Variants in VAT1L observed in about 807,000 individuals in gnomAD.
VAT1L encodes the protein vesicle amine transport 1 like.
VAT1L carries 34 observed loss-of-function variants against 44.1 expected under a neutral mutation model. That is an observed-to-expected ratio of 0.77 (90% CI 0.59 to 1.03). VAT1L has a LOEUF of 1.03. Among genes scored for constraint, VAT1L ranks in the 50% least tolerant of loss-of-function variants. The pLI, the probability that VAT1L is intolerant of heterozygous loss-of-function variation, is 0.00. For missense variants in VAT1L, 615 were observed against 538.8 expected, an observed-to-expected ratio of 1.14 and a Z score of -1.40; for synonymous variants, 253 against 202.2, an observed-to-expected ratio of 1.25 and a Z score of -2.13.
chr16:77,865,414 A>C (rs544133358), intron 4 of VAT1L, among the ~76,000 whole-genome samples: 20 of 152,312 alleles, frequency 1.3e-4, no homozygotes, highest in Middle Eastern at 3.4e-3. Context: ...ATTGCTTAAT[A>C]CATCTGTGCT....
At chr16:77,932,102 ATTTTT>A (rs33928206) in intron 7 of VAT1L, among the ~76,000 whole-genome samples, 3 of 126,608 alleles carry the variant, frequency 2.4e-5, no homozygotes, top group African/African-American at 5.9e-5. Flanking sequence ...AAATACAGTA[ATTTTT>A]TTTTTTTTTT....
At chr16:77,933,848 A>C (rs1397410164) in intron 7 of VAT1L, among the ~76,000 whole-genome samples, 1 of 152,234 alleles carries the variant, frequency 6.6e-6, no homozygotes, top group Non-Finnish European at 1.5e-5. Flanking sequence ...GATGGCACAT[A>C]GCCTAGGTCA....
In VAT1L at chr16:77,788,742, A is replaced by T; in HGVS notation, c.60A>T (p.Ala20=). The T allele has an allele frequency of 6.4e-7, 1 of 1,560,944 alleles. No individual in the cohort carries two copies. Among genetic ancestry groups the T allele is most frequent in the Non-Finnish European group, 8.7e-7 (1 of 1,152,098 alleles). ...EETEQMIEKE[A]GKEPAEGGGG... ...CGGAGCAAATGATCGAGAAGGAGGC[A>T]GGCAAGGAGCCGGCGGAGGGCGGCG... is the stretch of plus-strand genomic sequence containing the variant. The change falls in exon 1 of 9, where the codon GCA becomes GCT. Residue 20 remains alanine, a synonymous_variant. Transcript: ENST00000302536.
intron 7 of VAT1L, among the ~76,000 whole-genome samples, chr16:77,931,096 C>A (rs1461691194): frequency 1.3e-5 from 2 of 152,110 alleles, no homozygotes; most frequent in Admixed American, 6.5e-5. Context: ...CAATTAACAC[C>A]CAGGTTATTC....
intron 3 of VAT1L, among the ~76,000 whole-genome samples, chr16:77,826,022 CA>C (rs1222011295): frequency 7.5e-5 from 4 of 53,594 alleles, no homozygotes; most frequent in Non-Finnish European, 1.0e-4. Flanking sequence ...GACTCCATCT[CA>C]AAAAAAAAAG....
chr16:77,856,250 A>G (rs1231907200), intron 3 of VAT1L, among the ~76,000 whole-genome samples: 1 of 152,180 alleles, frequency 6.6e-6, no homozygotes, highest in Admixed American at 6.5e-5. Flanking sequence ...TCTGGAATAC[A>G]GTGAGAAACA....
intron 7 of VAT1L, among the ~76,000 whole-genome samples, chr16:77,893,374 T>C (rs1376667129): frequency 4.6e-5 from 7 of 152,138 alleles, no homozygotes. Context: ...ACCAAGGGTC[T>C]TTTAAGCTGG....
At chr16:77,932,298 G>C (rs937868047) in intron 7 of VAT1L, among the ~76,000 whole-genome samples, 1 of 151,736 alleles carries the variant, frequency 6.6e-6, no homozygotes. Flanking sequence ...GTAGAGACGG[G>C]GTTTCACCGT....
chr16:77,798,977 C>G (rs748018865), intron 1 of VAT1L, among the ~76,000 whole-genome samples: 28 of 152,054 alleles, frequency 1.8e-4, no homozygotes, highest in Non-Finnish European at 4.0e-4. Flanking sequence ...CATCTTTCAT[C>G]CTCTCTCCTC....
At chr16:77,944,948 C>T (rs1317768391) in intron 7 of VAT1L, among the ~76,000 whole-genome samples, 3 of 152,170 alleles carry the variant, frequency 2.0e-5, no homozygotes, top group African/African-American at 4.8e-5. Flanking sequence ...AAACACTCTT[C>T]CAAGCTGTCT....
chr16:77,805,288 C>T (rs981690145), intron 1 of VAT1L, among the ~76,000 whole-genome samples: 3 of 152,152 alleles, frequency 2.0e-5, no homozygotes, highest in African/African-American at 7.2e-5. Flanking sequence ...TTCCCACAGT[C>T]TTGAGATAAC....
In VAT1L at chr16:77,977,849, G is replaced by GT; in HGVS notation, c.*160dup. ...AGCTAAAAAGCTGTTGATCACTGTT[G>GT]TTTTTTGAAGTGCCAATCCCATGCC... On this transcript the variant is annotated 3_prime_UTR_variant, in exon 9 of 9. Transcript: ENST00000302536. 1 of 695,726 alleles carries GT rather than the reference G, an allele frequency of 1.4e-6. No individual in the cohort carries two copies. The highest frequency in any genetic ancestry group is 2.5e-6 in the Non-Finnish European group (1 of 404,780). The allele number at this position is 695,726 out of a possible 1,614,324, so 43.1% of individuals were successfully genotyped here.
chr16:77,944,701 T>C (rs1444881181), intron 7 of VAT1L, among the ~76,000 whole-genome samples: 1 of 152,240 alleles, frequency 6.6e-6, no homozygotes, highest in Non-Finnish European at 1.5e-5. Context: ...CTTGCTATTA[T>C]ACTGCCTACA....
At chr16:77,885,902 A>G (rs1273867792) in intron 7 of VAT1L, among the ~76,000 whole-genome samples, 5 of 152,174 alleles carry the variant, frequency 3.3e-5, no homozygotes, top group African/African-American at 4.8e-5. Flanking sequence ...TCCTAGATCA[A>G]TGGAGCAGGA....
At chr16:77,975,362 A>C (rs1420949607) in intron 8 of VAT1L, among the ~76,000 whole-genome samples, 1 of 151,724 alleles carries the variant, frequency 6.6e-6, no homozygotes, top group Non-Finnish European at 1.5e-5. Context: ...GGTGCTCACC[A>C]CACCACACCT....
rs536862521 is a variant in VAT1L, at chr16:77,830,209, A to G, written c.579+4748A>G. ...TGTACTCCTAATGTAATCTAATAGC[A>G]TCAAAGTAGCAAAATTTGAAGCTCT... On this transcript the variant is annotated intron_variant, in intron 3 of 8. Coordinates refer to ENST00000302536, the MANE Select transcript of VAT1L (RefSeq NM_020927.3). Among the ~76,000 whole-genome samples, 10 of 152,290 alleles carry G rather than the reference A, an allele frequency of 6.6e-5. No homozygotes were observed. In the South Asian group the frequency reaches 2.1e-3, roughly 32 times the overall value.
chr16:77,891,348 C>T (rs1255536822), intron 7 of VAT1L, among the ~76,000 whole-genome samples: 3 of 152,036 alleles, frequency 2.0e-5, no homozygotes, highest in South Asian at 2.1e-4. Flanking sequence ...AGCAAGACTC[C>T]GTCTAAAAAA....
chr16:77,968,358 G>C (rs1281146894), intron 7 of VAT1L, among the ~76,000 whole-genome samples: 1 of 152,188 alleles, frequency 6.6e-6, no homozygotes, highest in African/African-American at 2.4e-5. Flanking sequence ...CTATGCCGTA[G>C]ACAGAGTAGT....
chr16:77,958,880 A>T (rs1470700770), intron 7 of VAT1L, among the ~76,000 whole-genome samples: 2 of 152,160 alleles, frequency 1.3e-5, no homozygotes, highest in East Asian at 3.9e-4. Context: ...CCCCTTTAAA[A>T]ATCCTCTTGA....
Sources: allele counts gnomAD v4.1 joint callset (sites outside exome capture counted in the v4.1 genomes callset), GRCh38; gene constraint gnomAD v4.1.1; transcripts MANE v1.5; gene names NCBI Gene and HGNC (gene_info 2026-07-23, HGNC 2026-07-21).